The following ATP10B variants were observed in gnomAD, a reference collection of about 807,000 sequenced individuals.
The protein encoded by ATP10B is phospholipid-transporting ATPase VB.
In ATP10B, 122 loss-of-function variants were observed where a neutral mutation model predicts 141.2. The observed-to-expected ratio is 0.86, with a 90% confidence interval of 0.75 to 1.00. The LOEUF (loss-of-function observed/expected upper bound fraction) is 1.00. Among genes scored for constraint, ATP10B ranks in the 50% least tolerant of loss-of-function variants. The pLI is 0.00. For missense variants in ATP10B, 1,876 were observed against 1,825.3 expected (o/e 1.03, Z -0.51); for synonymous variants, 685 against 692.0 (o/e 0.99, Z 0.16).
At chr5:160,803,719 C>G (rs1772562780) in intron 1 of ATP10B, among the ~76,000 whole-genome samples, 2 of 152,104 alleles carry the variant, frequency 1.3e-5, no homozygotes, top group South Asian at 4.2e-4. Flanking sequence ...TTCAAGGTCA[C>G]ATAGCTTGTA....
At chr5:160,658,574 G>T (rs180809910) in intron 7 of ATP10B, among the ~76,000 whole-genome samples, 1 of 152,180 alleles carries the variant, frequency 6.6e-6, no homozygotes, top group Non-Finnish European at 1.5e-5. Context: ...AGAGTCCTTT[G>T]TTTCTGGCCA....
chr5:160,693,576 T>C (rs758729823), intron 3 of ATP10B, among the ~76,000 whole-genome samples: 13 of 151,650 alleles, frequency 8.6e-5, no homozygotes, highest in Non-Finnish European at 1.8e-4. Context: ...GAAGAACGAG[T>C]TCCAGAAACG....
Position 160,766,275 on chromosome 5 carries a change from TTTGCA to T in ATP10B, c.-331+19279_-331+19283del, listed in dbSNP as rs1300807846. Reference sequence around the variant, plus strand: ...CACATCCATGTTTATAGCAGCACAATTTGCAATTGCAAAAATACGGAACCAGCCTA... The same window carrying T: ...CACATCCATGTTTATAGCAGCACAATATTGCAAAAATACGGAACCAGCCTA... On this transcript the variant is annotated intron_variant, in intron 2 of 25. Transcript: ENST00000327245. Among the ~76,000 whole-genome samples, 5 of 17,184 alleles carry T rather than the reference TTTGCA, an allele frequency of 2.9e-4. No individual in the cohort carries two copies. In the South Asian group the frequency reaches 3.9e-3, roughly 13 times the overall value. 11.3% of individuals were successfully genotyped at this position (17,184 alleles called of 152,430 possible).
At chr5:160,752,444 C>A (rs577285883) in intron 2 of ATP10B, among the ~76,000 whole-genome samples, 9 of 152,158 alleles carry the variant, frequency 5.9e-5, no homozygotes, top group Non-Finnish European at 1.2e-4. Flanking sequence ...CAAAGATTTG[C>A]CTTTCAGGGT....
intron 3 of ATP10B, among the ~76,000 whole-genome samples, chr5:160,701,652 C>T (rs906919275): frequency 3.3e-5 from 5 of 152,046 alleles, no homozygotes; most frequent in Admixed American, 1.3e-4. Flanking sequence ...ACCCTAATGT[C>T]TCCTGGGAGC....
chr5:160,921,439 C>T, the ATP10B span, among the ~76,000 whole-genome samples: 6 of 152,102 alleles, frequency 3.9e-5, no homozygotes, highest in Non-Finnish European at 8.8e-5. Flanking sequence ...TGTTGTGCAA[C>T]CATCACTACC....
the ATP10B span, among the ~76,000 whole-genome samples, chr5:160,878,520 A>T: frequency 6.6e-6 from 1 of 152,174 alleles, no homozygotes; most frequent in African/African-American, 2.4e-5. Context: ...GCAACAGAAG[A>T]CAAAATTGAC....
intron 2 of ATP10B, among the ~76,000 whole-genome samples, chr5:160,746,918 T>G (rs1240832569): frequency 6.6e-6 from 1 of 152,188 alleles, no homozygotes; most frequent in African/African-American, 2.4e-5. Flanking sequence ...ACCAATGGCT[T>G]TATAGCAGTG....
chr5:160,856,450 T>C (rs1433748060), upstream of ATP10B, among the ~76,000 whole-genome samples: 2 of 151,852 alleles, frequency 1.3e-5, no homozygotes, highest in Non-Finnish European at 2.9e-5. Flanking sequence ...CACCTGCAAA[T>C]AGAAACGGTA....
chr5:160,627,429 T>A lies in ATP10B; in HGVS notation c.1620+4700A>T, dbSNP rs140766435. ...CACAGAGTAGATGCTTACTGAATGT[T>A]TGTTGACTGACCCAATAAATGAAAG... On this transcript the variant is annotated intron_variant, in intron 13 of 25. Coordinates refer to ENST00000327245, the MANE Select transcript of ATP10B (RefSeq NM_025153.3). 2.1e-3 allele frequency among the ~76,000 whole-genome samples: 316 copies of A among 152,342 alleles called. 1 individual carries two copies. Among genetic ancestry groups the A allele is most frequent in the African/African-American group, 7.3e-3 (304 of 41,584 alleles).
chr5:160,687,637 C>T (rs572375344), intron 5 of ATP10B, among the ~76,000 whole-genome samples, 163 bp downstream of exon 5: 31 of 152,142 alleles, frequency 2.0e-4, no homozygotes, highest in Non-Finnish European at 2.9e-4. Flanking sequence ...TGGTGGTGCA[C>T]GCCTGTGGTC....
intron 1 of ATP10B, among the ~76,000 whole-genome samples, chr5:160,847,779 T>C (rs1302824503): frequency 6.6e-6 from 1 of 152,164 alleles, no homozygotes; most frequent in East Asian, 1.9e-4. Flanking sequence ...GGTTATTAAG[T>C]AGGAACAAGT....
At chr5:160,666,723 G>A (rs569881045) in intron 7 of ATP10B, among the ~76,000 whole-genome samples, 1 of 152,290 alleles carries the variant, frequency 6.6e-6, no homozygotes, top group African/African-American at 2.4e-5. Context: ...AAAGTATAAG[G>A]GAGAAGCAAG....
At chr5:160,686,998 A>G (rs1581357455) in intron 5 of ATP10B, 1 of 984,472 alleles carries the variant, frequency 1.0e-6, no homozygotes, top group South Asian at 4.7e-5. Flanking sequence ...CTCTTGCCAC[A>G]GTGCCTTTGC....
At chr5:160,798,696 G>A (rs916640162) in intron 1 of ATP10B, among the ~76,000 whole-genome samples, 6 of 151,616 alleles carry the variant, frequency 4.0e-5, no homozygotes, top group Non-Finnish European at 8.8e-5. Flanking sequence ...ATGTGTCATG[G>A]CAGCCCTAGG....
the ATP10B span, among the ~76,000 whole-genome samples, chr5:160,921,590 G>C: frequency 6.6e-6 from 1 of 152,214 alleles, no homozygotes; most frequent in East Asian, 1.9e-4. Context: ...ATGTTGCTCT[G>C]TGTTTAATTT....
intron 1 of ATP10B, among the ~76,000 whole-genome samples, chr5:160,815,053 G>A (rs999561859): frequency 7.9e-5 from 12 of 152,146 alleles, no homozygotes; most frequent in African/African-American, 1.7e-4. Context: ...AAAGACCATC[G>A]AGGCTAGGAA....
the ATP10B span, among the ~76,000 whole-genome samples, chr5:160,868,867 T>C: frequency 6.6e-6 from 1 of 152,118 alleles, no homozygotes; most frequent in South Asian, 2.1e-4. Context: ...GGGCATAGTA[T>C]TACACATGCA....
chr5:160,829,072 G>T (rs1019904658), intron 1 of ATP10B, among the ~76,000 whole-genome samples: 1 of 107,668 alleles, frequency 9.3e-6, no homozygotes, highest in African/African-American at 3.5e-5. Context: ...TGGGGGGAGG[G>T]GGGAGGGATA....
Sources: gnomAD v4.1 joint callset for allele counts (sites outside exome capture counted in the v4.1 genomes callset) on GRCh38, gnomAD v4.1.1 for gene constraint, MANE v1.5 for transcripts, NCBI Gene and HGNC (gene_info 2026-07-23, HGNC 2026-07-21) for gene names.